Variants in CWC27 observed in about 807,000 individuals in gnomAD.
CWC27 encodes spliceosome-associated protein CWC27 homolog.
CWC27 carries 47 observed loss-of-function variants against 63.6 expected under a neutral mutation model. The ratio of observed to expected loss-of-function variants is 0.74; its 90% CI spans 0.58 to 0.94. CWC27 has a LOEUF of 0.94. Ranked by LOEUF, CWC27 falls within the 40% of genes least tolerant of loss-of-function variation. The probability of loss-of-function intolerance (pLI) is 0.00; values close to 1 mark genes in which losing one functional copy is unlikely to be tolerated. For missense variants in CWC27, 495 were observed against 554.3 expected, an observed-to-expected ratio of 0.89 and a Z score of 1.07; for synonymous variants, 175 against 179.8, an observed-to-expected ratio of 0.97 and a Z score of 0.22.
At chr5:64,849,041 A>G (rs1376880388) in intron 10 of CWC27, among the ~76,000 whole-genome samples, 1 of 152,192 alleles carries the variant, frequency 6.6e-6, no homozygotes, top group African/African-American at 2.4e-5. Context: ...AGGAAGAAGT[A>G]ACATTGTGAA....
At chr5:64,831,680 T>G (rs953001441) in intron 10 of CWC27, among the ~76,000 whole-genome samples, 4 of 151,896 alleles carry the variant, frequency 2.6e-5, no homozygotes, top group Admixed American at 1.3e-4. Context: ...AATTGACTCA[T>G]GTAACAAACC....
chr5:64,779,755 C>G (rs182811085), intron 2 of CWC27, among the ~76,000 whole-genome samples: 9 of 152,280 alleles, frequency 5.9e-5, no homozygotes, highest in African/African-American at 2.2e-4. Context: ...CCATAATCCC[C>G]ACATGTCTAG....
Position 64,885,505 on chromosome 5 carries a change from A to T in CWC27, c.1001A>T (p.Lys334Ile). 6.2e-7 allele frequency: 1 copy of T among 1,608,284 alleles called. No individual in the cohort carries two copies. Among genetic ancestry groups the T allele is most frequent in the Non-Finnish European group, 8.5e-7 (1 of 1,177,214 alleles). The change falls in exon 11 of 14, where the codon AAA becomes ATA. Residue 334 changes from lysine (K) to isoleucine (I), a missense_variant. Physicochemically the swap from Lys to Ile is moderately radical, Grantham distance 102. Transcript: ENST00000381070. Reference sequence around the variant, plus strand: ...GAACTCTTAGCAGCAAAACAAAAAAAAGTAGAAAATGCAGCAAAACAAGCA... The same window carrying T: ...GAACTCTTAGCAGCAAAACAAAAAATAGTAGAAAATGCAGCAAAACAAGCA... Reference protein sequence around the residue: ...KRELLAAKQKKVENAAKQAEK... With the variant: ...KRELLAAKQKIVENAAKQAEK...
chr5:64,952,382 C>G (rs921175662), intron 11 of CWC27, among the ~76,000 whole-genome samples: 1 of 151,882 alleles, frequency 6.6e-6, no homozygotes, highest in Admixed American at 6.6e-5. Context: ...ATTTTCTTTT[C>G]ACTTCTTAGT....
intron 10 of CWC27, among the ~76,000 whole-genome samples, chr5:64,877,582 G>A (rs569039633): frequency 6.6e-6 from 1 of 152,040 alleles, no homozygotes; most frequent in African/African-American, 2.4e-5. Flanking sequence ...ACACAGAAAT[G>A]TTAAGTGCTT....
At chr5:64,808,084 A>C in intron 10 of CWC27, 1 of 1,202,226 alleles carries the variant, frequency 8.3e-7, no homozygotes, top group Non-Finnish European at 1.0e-6. Context: ...GAACCTTACT[A>C]TTTAAAGTGT....
chr5:64,892,440 C>T (rs1248054472), intron 11 of CWC27, among the ~76,000 whole-genome samples: 1 of 151,882 alleles, frequency 6.6e-6, no homozygotes, highest in African/African-American at 2.4e-5. Context: ...TGTAGAAAGG[C>T]ATAAAGGTTA....
In CWC27 at chr5:64,789,009, C is replaced by G; in HGVS notation, c.658C>G (p.Arg220Gly). 6.2e-7 allele frequency: 1 copy of G among 1,602,594 alleles called. No individual in the cohort carries two copies. Among genetic ancestry groups the G allele is most frequent in the Non-Finnish European group, 8.5e-7 (1 of 1,174,146 alleles). The part of the protein sequence containing the change: ...EAEEEEEEVN[R>G]VSQSMKGKSK... ...TGAGGAAGAAGAGGAGGAAGTAAAT[C>G]GAGTTAGTCAGGTAATCTCTAATTT... Residue 220 changes from arginine (R) to glycine (G), a missense_variant, in exon 7 of 14, where the codon CGA becomes GGA. Arg to Gly is a moderately radical substitution (Grantham distance 125). Around this residue, in one of 3 missense-constraint regions of CWC27, gnomAD observed 463 missense variants for 498.1 expected, o/e 0.93. Coordinates refer to ENST00000381070, the MANE Select transcript of CWC27 (RefSeq NM_005869.4).
chr5:64,769,501 C>A (rs116506458), intron 1 of CWC27, among the ~76,000 whole-genome samples: 395 of 152,226 alleles, frequency 2.6e-3, no homozygotes, highest in African/African-American at 9.1e-3. Flanking sequence ...TTGATATATT[C>A]TTTGCTTAAC....
chr5:64,974,800 G>C (rs1229466447), intron 12 of CWC27, among the ~76,000 whole-genome samples: 1 of 152,120 alleles, frequency 6.6e-6, no homozygotes, highest in Admixed American at 6.5e-5. Context: ...TGAGTGGTAG[G>C]ATAATAGTTA....
chr5:64,955,658 A>C (rs956178889), intron 11 of CWC27, among the ~76,000 whole-genome samples: 2 of 152,112 alleles, frequency 1.3e-5, no homozygotes, highest in Non-Finnish European at 2.9e-5. Context: ...TCCATCTCAA[A>C]ACTTAATTTG....
chr5:64,839,729 A>G (rs1745752672), intron 10 of CWC27, among the ~76,000 whole-genome samples: 1 of 152,174 alleles, frequency 6.6e-6, no homozygotes, highest in Non-Finnish European at 1.5e-5. Context: ...TCTTAATGAG[A>G]TAGATTACAG....
At chr5:64,791,907 A>G (rs952930356) in intron 7 of CWC27, among the ~76,000 whole-genome samples, 69 of 151,896 alleles carry the variant, frequency 4.5e-4, no homozygotes, top group Admixed American at 2.6e-4. Context: ...TCCAAGATGT[A>G]TCTCAAATCT....
At chr5:64,907,351 G>A (rs528883534) in intron 11 of CWC27, among the ~76,000 whole-genome samples, 14 of 152,220 alleles carry the variant, frequency 9.2e-5, no homozygotes, top group Middle Eastern at 3.4e-3. Flanking sequence ...ATTGAGCAGC[G>A]GTTTATAGTT....
intron 11 of CWC27, among the ~76,000 whole-genome samples, chr5:64,911,382 G>T (rs6881626): frequency 1.3e-5 from 2 of 152,132 alleles, no homozygotes; most frequent in African/African-American, 4.8e-5. Flanking sequence ...AATCATGAAA[G>T]GCTGAGGCAG....
intron 11 of CWC27, among the ~76,000 whole-genome samples, chr5:64,938,001 T>A (rs2075904124): frequency 6.6e-6 from 1 of 151,704 alleles, no homozygotes; most frequent in African/African-American, 2.4e-5. Flanking sequence ...TGTGTGTCTT[T>A]GCACATGAGA....
intron 10 of CWC27, chr5:64,808,279 G>T: frequency 1.0e-6 from 1 of 992,728 alleles, no homozygotes; most frequent in South Asian, 4.5e-5. Context: ...GCTCCTGGAT[G>T]AGTTCAAGTT....
intron 11 of CWC27, among the ~76,000 whole-genome samples, chr5:64,928,691 G>T (rs928185158): frequency 2.0e-5 from 3 of 152,116 alleles, no homozygotes; most frequent in African/African-American, 7.2e-5. Context: ...AGAGGTAGAA[G>T]TGATAGGGAG....
chr5:64,830,972 A>C (rs1745501965), intron 10 of CWC27, among the ~76,000 whole-genome samples: 1 of 152,054 alleles, frequency 6.6e-6, no homozygotes, highest in Non-Finnish European at 1.5e-5. Context: ...CACATTTAAA[A>C]ATGATATGTC....
Sources: gnomAD v4.1 joint callset for allele counts (sites outside exome capture counted in the v4.1 genomes callset) on GRCh38, gnomAD v4.1.1 for gene constraint, gnomAD v4.1.1 regional missense constraint, MANE v1.5 for transcripts, NCBI Gene and HGNC (gene_info 2026-07-23, HGNC 2026-07-21) for gene names.